PDZD8: variants seen among roughly 807,000 people sequenced by gnomAD.
The protein encoded by PDZD8 is PDZ domain-containing protein 8.
In PDZD8, 14 loss-of-function variants were observed where a neutral mutation model predicts 85.8. That is an observed-to-expected ratio of 0.16 (90% CI 0.11 to 0.26). PDZD8 has a LOEUF of 0.26. Ranked by LOEUF, PDZD8 falls within the 10% of genes least tolerant of loss-of-function variation. The pLI, the probability that PDZD8 is intolerant of heterozygous loss-of-function variation, is 1.00. For missense variants in PDZD8, 1,197 were observed against 1,424.3 expected (o/e 0.84, Z 2.57); for synonymous variants, 592 against 568.6 (o/e 1.04, Z -0.59).
Position 117,318,928 on chromosome 10 carries a change from T to A in PDZD8, c.1042A>T (p.Thr348Ser). The change falls in exon 3 of 5, where the codon ACA (threonine) becomes TCA (serine). Residue 348 changes from threonine (T) to serine (S), a missense_variant. By Grantham distance (58) the Thr-to-Ser change is moderately conservative. This residue lies in a region of PDZD8 where 344 missense variants were observed against 453.6 expected (regional missense o/e 0.76). Transcript: ENST00000334464. ...SYDREANVHCTLELSSSVWEE... is the reference protein window; with the variant it reads ...SYDREANVHCSLELSSSVWEE... ...CAAACACTACTGCTTAACTCAAGTG[T>A]GCAATGAACATTTGCCTCTCTGTCA... 6.2e-7 allele frequency: 1 copy of A among 1,612,470 alleles called. No individual in the cohort carries two copies. The highest frequency in any genetic ancestry group is 8.5e-7 in the Non-Finnish European group (1 of 1,178,954).
intron 3 of PDZD8, among the ~76,000 whole-genome samples, chr10:117,295,485 TA>T (rs1589547537): frequency 7.8e-6 from 1 of 127,798 alleles, no homozygotes; most frequent in East Asian, 2.5e-4. Flanking sequence ...TTCATAATTA[TA>T]AGCCTTCCTT....
chr10:117,361,815 C>A (rs1044940508), intron 1 of PDZD8, among the ~76,000 whole-genome samples: 1 of 152,120 alleles, frequency 6.6e-6, no homozygotes, highest in African/African-American at 2.4e-5. Flanking sequence ...TTGTTTTTAT[C>A]ATTATTCACT....
chr10:117,307,405 T>C (rs1391997637), intron 3 of PDZD8, among the ~76,000 whole-genome samples: 1 of 152,098 alleles, frequency 6.6e-6, no homozygotes, highest in Non-Finnish European at 1.5e-5. Context: ...TTTTGCTTAA[T>C]GGCCTCCTAC....
At chr10:117,312,311 C>T (rs1020859897) in intron 3 of PDZD8, among the ~76,000 whole-genome samples, 1 of 151,998 alleles carries the variant, frequency 6.6e-6, no homozygotes, top group Non-Finnish European at 1.5e-5. Flanking sequence ...GAAAGGAGGG[C>T]TGAGAAATAA....
intron 3 of PDZD8, among the ~76,000 whole-genome samples, chr10:117,298,949 A>C (rs1196260102): frequency 1.3e-5 from 2 of 152,056 alleles, no homozygotes; most frequent in Non-Finnish European, 2.9e-5. Context: ...ATGCTCAGAT[A>C]CATACGCAAT....
chr10:117,317,347 T>A (rs1370244670), intron 3 of PDZD8, among the ~76,000 whole-genome samples: 2 of 152,198 alleles, frequency 1.3e-5, no homozygotes, highest in Non-Finnish European at 2.9e-5. Flanking sequence ...TGATGTTTTG[T>A]CTTAAGGAAC....
Position 117,278,892 on chromosome 10 carries a change from A to G in PDZD8, c.*4376T>C, listed in dbSNP as rs1013436158. ...GAAGATGGCTCTGGAGGAAACTCTC[A>G]TATGGCTAAAAAGGCAGGCTAGTTT... On this transcript the variant is annotated 3_prime_UTR_variant, in exon 5 of 5. Coordinates refer to ENST00000334464, the MANE Select transcript of PDZD8 (RefSeq NM_173791.5). 3 of 152,228 alleles carry G rather than the reference A, an allele frequency of 2.0e-5. No individual in the cohort carries two copies. Among genetic ancestry groups the G allele is most frequent in the Non-Finnish European group, 4.4e-5 (3 of 68,044 alleles). The allele number at this position is 152,228 out of a possible 1,614,324, so 9.4% of individuals were successfully genotyped here.
intron 3 of PDZD8, among the ~76,000 whole-genome samples, chr10:117,308,310 T>C (rs1400607477): frequency 6.6e-6 from 1 of 152,040 alleles, no homozygotes; most frequent in Non-Finnish European, 1.5e-5. Context: ...ATACTCTCCC[T>C]GCCCTCCTCA....
chr10:117,315,274 G>A (rs1368561567), intron 3 of PDZD8, among the ~76,000 whole-genome samples: 1 of 152,132 alleles, frequency 6.6e-6, no homozygotes, highest in Non-Finnish European at 1.5e-5. Context: ...GAGAGGGAAA[G>A]AGAACAAAAC....
In PDZD8 at chr10:117,278,601, A is replaced by C. The variant is rs1186539934; in HGVS notation, c.*4667T>G. On this transcript the variant is annotated 3_prime_UTR_variant, in exon 5 of 5. Transcript: ENST00000334464. ...TACTACTTGTGAATCCTGCAGTTCT[A>C]TAATCATAAACAAAAATTACTTAGT... 6.6e-6 allele frequency: 1 copy of C among 152,206 alleles called. No individual in the cohort carries two copies. Among genetic ancestry groups the C allele is most frequent in the Admixed American group, 6.5e-5 (1 of 15,288 alleles). The allele number at this position is 152,206 out of a possible 1,614,324, so 9.4% of individuals were successfully genotyped here.
intron 1 of PDZD8, among the ~76,000 whole-genome samples, chr10:117,345,187 T>C (rs1328077911): frequency 6.6e-6 from 1 of 152,220 alleles, no homozygotes; most frequent in Admixed American, 6.5e-5. Context: ...TTTACAATAG[T>C]CTGTGAAGAA....
intron 1 of PDZD8, among the ~76,000 whole-genome samples, chr10:117,354,554 T>C (rs757112552): frequency 2.6e-5 from 4 of 151,004 alleles, no homozygotes; most frequent in Non-Finnish European, 4.4e-5. Flanking sequence ...TCAAATACCA[T>C]CTCACCTGTT....
chr10:117,315,587 CAAAA>C (rs35866840), intron 3 of PDZD8, among the ~76,000 whole-genome samples: 4 of 42,108 alleles, frequency 9.5e-5, no homozygotes, highest in South Asian at 8.9e-4. Context: ...TAGACTCTCT[CAAAA>C]AAAAAAAAAA....
chr10:117,351,157 T>C (rs1264682569), intron 1 of PDZD8, among the ~76,000 whole-genome samples: 1 of 152,206 alleles, frequency 6.6e-6, no homozygotes, highest in Admixed American at 6.5e-5. Context: ...ATCCACCCTA[T>C]GACTCTGCAA....
intron 1 of PDZD8, among the ~76,000 whole-genome samples, chr10:117,372,691 CT>C (rs1937324680): frequency 6.6e-6 from 1 of 152,204 alleles, no homozygotes; most frequent in African/African-American, 2.4e-5. Flanking sequence ...GTATGTTCTA[CT>C]TCACAGAACC....
chr10:117,362,175 T>C (rs1845010922), intron 1 of PDZD8, among the ~76,000 whole-genome samples: 1 of 152,214 alleles, frequency 6.6e-6, no homozygotes, highest in Non-Finnish European at 1.5e-5. Context: ...TATAAGTACC[T>C]AACTCAAGTT....
chr10:117,321,213 A>G (rs1353760212), intron 2 of PDZD8, among the ~76,000 whole-genome samples: 1 of 152,188 alleles, frequency 6.6e-6, no homozygotes, highest in Non-Finnish European at 1.5e-5. Context: ...CATTATTCAT[A>G]CCTAATAGCC....
intron 2 of PDZD8, among the ~76,000 whole-genome samples, chr10:117,320,232 G>C (rs189381265): frequency 6.6e-6 from 1 of 152,002 alleles, no homozygotes; most frequent in African/African-American, 2.4e-5. Context: ...GAAAAAATGA[G>C]AATTTACATT....
At chr10:117,328,339 T>C (rs1301980229) in intron 2 of PDZD8, among the ~76,000 whole-genome samples, 1 of 152,168 alleles carries the variant, frequency 6.6e-6, no homozygotes, top group Non-Finnish European at 1.5e-5. Flanking sequence ...TGTCAAGCTT[T>C]AATTCTCAGA....
Sources: allele counts gnomAD v4.1 joint callset (sites outside exome capture counted in the v4.1 genomes callset), GRCh38; gene constraint gnomAD v4.1.1; regional missense constraint gnomAD v4.1.1; transcripts MANE v1.5; gene names NCBI Gene and HGNC (gene_info 2026-07-23, HGNC 2026-07-21).